MPP7: variants seen among roughly 807,000 people sequenced by gnomAD.
The protein encoded by MPP7 is MAGUK p55 subfamily member 7.
MPP7 carries 60 observed loss-of-function variants against 76.5 expected under a neutral mutation model. The ratio of observed to expected loss-of-function variants is 0.78; its 90% CI spans 0.64 to 0.97. The LOEUF (loss-of-function observed/expected upper bound fraction) is 0.97, where lower values mean the gene tolerates loss of function less well. Ranked by LOEUF, MPP7 falls within the 50% of genes least tolerant of loss-of-function variation. The pLI is 0.00. For synonymous variants in MPP7, 237 were observed against 244.5 expected (o/e 0.97, Z 0.29); for missense variants, 641 against 694.0 (o/e 0.92, Z 0.86).
chr10:28,175,996 G>A (rs762332342), intron 3 of MPP7, among the ~76,000 whole-genome samples: 4 of 152,096 alleles, frequency 2.6e-5, no homozygotes, highest in Non-Finnish European at 4.4e-5. Context: ...AGGAAGAGAA[G>A]GGAAATAATA....
In MPP7 at chr10:28,238,703, T is replaced by C. The variant is rs1181619045; in HGVS notation, c.-99A>G. The C allele has an allele frequency of 4.4e-6, 5 of 1,136,234 alleles. No homozygotes were observed. The highest frequency in any genetic ancestry group is 2.2e-4 in the Middle Eastern group (1 of 4,616). The allele number at this position is 1,136,234 out of a possible 1,614,324, so 70.4% of individuals were successfully genotyped here. A position where few individuals can be genotyped will look rare whatever the true frequency, so the allele number is the denominator to read the frequency against. ...AATTCAACAGCCTGCAGCCACGTTGTCTACCAAGATCTGTATATTTTGTAA... is the reference window on the plus strand; with the variant it reads ...AATTCAACAGCCTGCAGCCACGTTGCCTACCAAGATCTGTATATTTTGTAA... On this transcript the variant is annotated 5_prime_UTR_variant, in exon 2 of 17. Coordinates refer to ENST00000683449, the MANE Select transcript of MPP7 (RefSeq NM_001318170.2).
At chr10:28,274,455 T>G (rs1180467533) in intron 1 of MPP7, among the ~76,000 whole-genome samples, 1 of 152,120 alleles carries the variant, frequency 6.6e-6, no homozygotes, top group African/African-American at 2.4e-5. Context: ...ACTCTGCCCA[T>G]ATTCTTCAAC....
chr10:28,143,855 CTGTGTGTGTGTGTGTGTGTG>C lies in MPP7; in HGVS notation c.315+3608_315+3627del, dbSNP rs60960005. Among the ~76,000 whole-genome samples the C allele has an allele frequency of 1.1e-4, 15 of 134,554 alleles. 1 individual carries two copies. The South Asian group carries it at 2.3e-3, about 21-fold the overall frequency. The allele number at this position is 134,554 out of a possible 152,430, so 88.3% of individuals were successfully genotyped here. On this transcript the variant is annotated intron_variant, in intron 5 of 16. Transcript: ENST00000683449. ...CTTTCATTAGGACCTCAATCGTGTGCTGTGTGTGTGTGTGTGTGTGTGTGTGTGTGTGTGTGTGTGTGTGT... is the reference window on the plus strand; with the variant it reads ...CTTTCATTAGGACCTCAATCGTGTGCTGTGTGTGTGTGTGTGTGTGTGTGT...
intron 3 of MPP7, among the ~76,000 whole-genome samples, chr10:28,178,201 C>T (rs569370477): frequency 1.3e-5 from 2 of 152,076 alleles, no homozygotes; most frequent in South Asian, 4.1e-4. Context: ...CCAGCAGTAC[C>T]CCCTCCTCAA....
At chr10:28,150,635 T>TTTCCCC (rs1417518541) in intron 3 of MPP7, among the ~76,000 whole-genome samples, 1 of 152,116 alleles carries the variant, frequency 6.6e-6, no homozygotes, top group Non-Finnish European at 1.5e-5. Flanking sequence ...AATTGCCAAC[T>TTTCCCC]TTCCCCCTCA....
chr10:28,131,442 C>T, intron 6 of MPP7, 118 bp downstream of exon 6: 3 of 874,654 alleles, frequency 3.4e-6, no homozygotes, highest in South Asian at 6.0e-5. Context: ...ATCAATGTTC[C>T]ATTTCTTTTA....
chr10:28,270,191 C>T (rs12358399), intron 1 of MPP7, among the ~76,000 whole-genome samples: 22,710 of 152,090 alleles, frequency 0.15, 1,797 homozygotes, highest in South Asian at 0.19. Context: ...CCTTACGGAA[C>T]GGGAAGATTT....
chr10:28,124,730 G>A (rs905905184), intron 7 of MPP7, among the ~76,000 whole-genome samples: 8 of 151,444 alleles, frequency 5.3e-5, no homozygotes, highest in South Asian at 2.1e-4. Context: ...TGATCCACCC[G>A]CCTTGGCCTC....
chr10:28,155,700 G>A (rs1836038290), intron 3 of MPP7, among the ~76,000 whole-genome samples: 1 of 152,150 alleles, frequency 6.6e-6, no homozygotes, highest in East Asian at 1.9e-4. Flanking sequence ...TGGGGAGGAA[G>A]GGAGGTAGCA....
At chr10:28,158,926 A>T (rs1211044103) in intron 3 of MPP7, among the ~76,000 whole-genome samples, 2 of 152,156 alleles carry the variant, frequency 1.3e-5, no homozygotes, top group Non-Finnish European at 2.9e-5. Context: ...TCCTTTCAAA[A>T]GCAAACCGAT....
At position 28,053,979 on chromosome 10, in the gene MPP7, A is replaced by C; in HGVS notation, c.*86T>G. ...AAGATTGTACATCTATGACAGTGAT[A>C]TAGATTTAAAAACCCTACTACCAAA... is the stretch of plus-strand genomic sequence containing the variant. On this transcript the variant is annotated 3_prime_UTR_variant, in exon 17 of 17. Coordinates refer to ENST00000683449, the MANE Select transcript of MPP7 (RefSeq NM_001318170.2). 2.0e-6 allele frequency: 2 copies of C among 992,322 alleles called. No individual in the cohort carries two copies. The highest frequency in any genetic ancestry group is 3.1e-6 in the Non-Finnish European group (2 of 639,178). 61.5% of individuals were successfully genotyped at this position (992,322 alleles called of 1,614,324 possible). A position where few individuals can be genotyped will look rare whatever the true frequency, so the allele number is the denominator to read the frequency against.
At chr10:28,184,219 A>G (rs1837152194) in intron 3 of MPP7, among the ~76,000 whole-genome samples, 1 of 148,388 alleles carries the variant, frequency 6.7e-6, no homozygotes, top group South Asian at 2.1e-4. Context: ...TATGTTAAAT[A>G]TACCTTTATC....
chr10:28,172,130 G>A (rs1012112499), intron 3 of MPP7, among the ~76,000 whole-genome samples: 1 of 152,172 alleles, frequency 6.6e-6, no homozygotes, highest in Admixed American at 6.5e-5. Flanking sequence ...ACGATGTCAT[G>A]AACTTTGGCA....
chr10:28,324,226 C>T (rs1834391164), intron 2 of MPP7, among the ~76,000 whole-genome samples: 1 of 152,122 alleles, frequency 6.6e-6, no homozygotes, highest in South Asian at 2.1e-4. Flanking sequence ...GGCCCCTCTG[C>T]CACGTGAGGG....
rs576405938 is a variant in MPP7, at chr10:28,261,711, C to G, written c.-131-22976G>C. On this transcript the variant is annotated intron_variant, in intron 1 of 16. Coordinates refer to ENST00000683449, the MANE Select transcript of MPP7 (RefSeq NM_001318170.2). ...TATACTCACAAATACATTTCTCTAT[C>G]CTGAGAGAGAGACCGGTTTATCTCA... is the stretch of plus-strand genomic sequence containing the variant. Among the ~76,000 whole-genome samples the G allele has an allele frequency of 2.0e-5, 3 of 152,290 alleles. No homozygotes were observed. The East Asian group carries it at 5.8e-4, about 29-fold the overall frequency.
rs1839728439 is a variant in MPP7, at chr10:28,254,679, G to T, written c.-131-15944C>A. 2.0e-5 allele frequency: 3 copies of T among 152,012 alleles called. No homozygotes were observed. In the South Asian group the frequency reaches 6.2e-4, roughly 32 times the overall value. The allele number at this position is 152,012 out of a possible 1,614,324, so 9.4% of individuals were successfully genotyped here. A position where few individuals can be genotyped will look rare whatever the true frequency, so the allele number is the denominator to read the frequency against. The stretch of plus-strand genomic sequence containing the variant: ...TAGATTTATCTCAAAATGAAAACCT[G>T]GGCAGATGATATTTAACTGAGTAAT... On this transcript the variant is annotated intron_variant, in intron 1 of 16. Coordinates refer to ENST00000683449, the MANE Select transcript of MPP7 (RefSeq NM_001318170.2).
intron 1 of MPP7, among the ~76,000 whole-genome samples, chr10:28,243,329 A>G (rs1273481801): frequency 1.3e-5 from 2 of 152,140 alleles, no homozygotes; most frequent in African/African-American, 2.4e-5. Context: ...CCCACTTTGC[A>G]CTGGTTCTAT....
intron 5 of MPP7, among the ~76,000 whole-genome samples, chr10:28,141,227 T>C (rs1441806609): frequency 6.6e-6 from 1 of 152,012 alleles, no homozygotes; most frequent in Non-Finnish European, 1.5e-5. Context: ...ACAACAAAAC[T>C]TTGTAAAATA....
At chr10:28,200,854 G>A (rs1054945721) in intron 3 of MPP7, among the ~76,000 whole-genome samples, 4 of 152,060 alleles carry the variant, frequency 2.6e-5, no homozygotes, top group Non-Finnish European at 4.4e-5. Context: ...ATTGTTTGGA[G>A]GCATGCTTAT....
Sources: gnomAD v4.1 joint callset for allele counts (sites outside exome capture counted in the v4.1 genomes callset) on GRCh38, gnomAD v4.1.1 for gene constraint, MANE v1.5 for transcripts, NCBI Gene and HGNC (gene_info 2026-07-23, HGNC 2026-07-21) for gene names.